The following TMC1 variants were observed in gnomAD, a reference collection of about 807,000 sequenced individuals.
TMC1 encodes the protein transmembrane channel-like protein 1.
TMC1 carries 84 observed loss-of-function variants against 105.8 expected under a neutral mutation model. The observed-to-expected ratio is 0.79, with a 90% confidence interval of 0.67 to 0.95. TMC1 has a LOEUF of 0.95. TMC1 is among the 40% of genes least tolerant of loss of function. The pLI, the probability that TMC1 is intolerant of heterozygous loss-of-function variation, is 0.00. For missense variants in TMC1, 817 were observed against 914.1 expected (o/e 0.89, Z 1.37); for synonymous variants, 315 against 311.5 (o/e 1.01, Z -0.12).
chr9:72,581,923 T>G (rs1824481408), intron 2 of TMC1, among the ~76,000 whole-genome samples: 1 of 152,220 alleles, frequency 6.6e-6, no homozygotes, highest in Admixed American at 6.5e-5. Context: ...TGCTATCAGT[T>G]TTCATGTTGA....
chr9:72,645,217 C>G (rs372432137), intron 4 of TMC1, among the ~76,000 whole-genome samples: 5 of 152,300 alleles, frequency 3.3e-5, no homozygotes, highest in African/African-American at 9.6e-5. Flanking sequence ...TCAACTGGCT[C>G]AGCTTACACA....
chr9:72,600,765 T>A (rs1231982133), intron 2 of TMC1, among the ~76,000 whole-genome samples: 10 of 152,208 alleles, frequency 6.6e-5, no homozygotes, highest in Admixed American at 6.5e-4. Flanking sequence ...TTTCCTGTTT[T>A]ACCCTATATC....
chr9:72,821,588 A>G (rs1379845898), intron 20 of TMC1, among the ~76,000 whole-genome samples: 1 of 152,162 alleles, frequency 6.6e-6, no homozygotes, highest in Non-Finnish European at 1.5e-5. Context: ...AGTTCTGTCT[A>G]TTTCCTCATT....
chr9:72,531,837 G>C, intron 1 of TMC1, among the ~76,000 whole-genome samples: 1 of 152,126 alleles, frequency 6.6e-6, no homozygotes. Flanking sequence ...CAAGTGCCAA[G>C]CTTTCCTATC....
At chr9:72,620,586 C>G (rs1373046617) in intron 3 of TMC1, among the ~76,000 whole-genome samples, 1 of 152,058 alleles carries the variant, frequency 6.6e-6, no homozygotes, top group South Asian at 2.1e-4. Context: ...CTGGATACTT[C>G]ATCTATGTGT....
intron 8 of TMC1, among the ~76,000 whole-genome samples, chr9:72,714,398 T>TACA (rs1254952126): frequency 7.9e-5 from 12 of 152,340 alleles, no homozygotes; most frequent in African/African-American, 2.9e-4. Context: ...TGTGAGGGTC[T>TACA]AAGCCTCTTT....
rs142839175 is a variant in TMC1, at chr9:72,779,704, A to G, written c.884+7149A>G. On this transcript the variant is annotated intron_variant, in intron 13 of 23. Transcript: ENST00000297784. Reference sequence around the variant, plus strand: ...TTCTTCAAATTGACTCAGTCAGACAAGAATAAAAAAGAAAGAATAAAAAGG... The same window carrying G: ...TTCTTCAAATTGACTCAGTCAGACAGGAATAAAAAAGAAAGAATAAAAAGG... Among the ~76,000 whole-genome samples the G allele has an allele frequency of 5.5e-3, 836 of 152,328 alleles. 6 individuals carry two copies. The highest frequency in any genetic ancestry group is 0.019 in the African/African-American group (803 of 41,562).
chr9:72,658,219 T>G (rs545400836), intron 5 of TMC1, among the ~76,000 whole-genome samples: 1 of 152,222 alleles, frequency 6.6e-6, no homozygotes, highest in South Asian at 2.1e-4. Flanking sequence ...GAAAGGTAGT[T>G]TAGGACCACA....
chr9:72,791,702 A>G (rs928668257), intron 15 of TMC1, among the ~76,000 whole-genome samples, 184 bp from the exon 16 acceptor site: 1 of 152,214 alleles, frequency 6.6e-6, no homozygotes, highest in African/African-American at 2.4e-5. Context: ...CTCTCTTGAG[A>G]ATGTGAATTG....
intron 8 of TMC1, among the ~76,000 whole-genome samples, chr9:72,717,072 G>T (rs923517085): frequency 4.6e-5 from 7 of 152,162 alleles, no homozygotes; most frequent in African/African-American, 1.7e-4. Context: ...ACTTTGGCTT[G>T]CCCTCCTTGG....
chr9:72,714,904 AGTT>A (rs1826893713), intron 8 of TMC1, among the ~76,000 whole-genome samples: 1 of 152,066 alleles, frequency 6.6e-6, no homozygotes, highest in African/African-American at 2.4e-5. Context: ...GGCTGGTACT[AGTT>A]GTTCCTTTCC....
In TMC1 at chr9:72,662,974, C is replaced by T. The variant is rs148890681; in HGVS notation, c.16+14310C>T. On this transcript the variant is annotated intron_variant, in intron 5 of 23. Coordinates refer to ENST00000297784, the MANE Select transcript of TMC1 (RefSeq NM_138691.3). ...CCAAGGGGTTCATTTTGCCTGCTAC[C>T]TGGATACAGCCAATTTATCAAGAAC... Among the ~76,000 whole-genome samples, 235 of 152,296 alleles carry T rather than the reference C, an allele frequency of 1.5e-3. 2 individuals carry two copies. In the East Asian group the frequency reaches 0.018, roughly 12 times the overall value.
chr9:72,785,581 G>T (rs1828156869), intron 13 of TMC1, among the ~76,000 whole-genome samples: 1 of 152,148 alleles, frequency 6.6e-6, no homozygotes. Context: ...ATGAAATAAG[G>T]GTTACTTGAA....
Position 72,779,407 on chromosome 9 carries a change from A to G in TMC1, c.884+6852A>G, listed in dbSNP as rs139546154. Among the ~76,000 whole-genome samples the G allele has an allele frequency of 1.4e-4, 21 of 152,370 alleles. No homozygotes were observed. The East Asian group carries it at 3.9e-3, about 28-fold the overall frequency. On this transcript the variant is annotated intron_variant, in intron 13 of 23. Transcript: ENST00000297784. ...GCTAGCTCCCCAGCAATGGTTCTTA[A>G]TCAGACTGAGATGGCTGAAATGACA...
intron 10 of TMC1, among the ~76,000 whole-genome samples, chr9:72,748,912 T>C (rs1827535030): frequency 6.6e-6 from 1 of 152,192 alleles, no homozygotes; most frequent in Admixed American, 6.5e-5. Flanking sequence ...TTTCCTATAA[T>C]CGTTCTAGTT....
At chr9:72,732,541 G>A (rs2117988190) in intron 8 of TMC1, among the ~76,000 whole-genome samples, 1 of 151,128 alleles carries the variant, frequency 6.6e-6, no homozygotes, top group South Asian at 2.1e-4. Flanking sequence ...CTCCAGCCTG[G>A]GCAGACAGAG....
At chr9:72,635,263 A>T (rs1482494598) in intron 4 of TMC1, among the ~76,000 whole-genome samples, 1 of 151,996 alleles carries the variant, frequency 6.6e-6, no homozygotes, top group Non-Finnish European at 1.5e-5. Flanking sequence ...CAAAAAAAAA[A>T]AAAGAAAGAA....
intron 5 of TMC1, among the ~76,000 whole-genome samples, chr9:72,687,480 C>A (rs1233437585): frequency 6.6e-6 from 1 of 152,108 alleles, no homozygotes; most frequent in South Asian, 2.1e-4. Context: ...AGATCTTTGT[C>A]CTGTGTAGTT....
intron 3 of TMC1, among the ~76,000 whole-genome samples, chr9:72,623,975 G>A (rs1825300760): frequency 6.6e-6 from 1 of 152,250 alleles, no homozygotes; most frequent in South Asian, 2.1e-4. Context: ...GGAACTGCAG[G>A]AAGAAAAGGT....
Sources: gnomAD v4.1 joint callset for allele counts (sites outside exome capture counted in the v4.1 genomes callset) on GRCh38, gnomAD v4.1.1 for gene constraint, MANE v1.5 for transcripts, NCBI Gene and HGNC (gene_info 2026-07-23, HGNC 2026-07-21) for gene names.